SDK1: variants seen among roughly 807,000 people sequenced by gnomAD.
SDK1 encodes the protein protein sidekick-1.
A neutral mutation model predicts 245.5 loss-of-function variants in SDK1; 157 were observed. The observed-to-expected ratio is 0.64, with a 90% confidence interval of 0.56 to 0.73. SDK1 has a LOEUF of 0.73. SDK1 is among the 30% of genes least tolerant of loss of function. SDK1 has a pLI of 0.00. For missense variants in SDK1, 3,583 were observed against 3,002.3 expected (o/e 1.19, Z -4.52); for synonymous variants, 1,647 against 1,278.5 (o/e 1.29, Z -6.15).
intron 1 of SDK1, among the ~76,000 whole-genome samples, chr7:3,381,041 G>A (rs1781474949): frequency 6.6e-6 from 1 of 152,188 alleles, no homozygotes. Context: ...TAGGCAACTT[G>A]CTGTGTCAGC....
chr7:3,714,442 A>G (rs935650255), intron 4 of SDK1, among the ~76,000 whole-genome samples: 2 of 152,206 alleles, frequency 1.3e-5, no homozygotes, highest in African/African-American at 4.8e-5. Context: ...TGAACTAGTT[A>G]TTCGCCCTTC....
intron 4 of SDK1, among the ~76,000 whole-genome samples, chr7:3,653,182 C>T (rs777797051): frequency 1.1e-4 from 17 of 152,160 alleles, no homozygotes; most frequent in Admixed American, 5.2e-4. Context: ...AGATTACTGA[C>T]GCCACCCCAG....
At chr7:3,607,070 G>T (rs1162560768) in intron 1 of SDK1, among the ~76,000 whole-genome samples, 1 of 152,038 alleles carries the variant, frequency 6.6e-6, no homozygotes, top group Non-Finnish European at 1.5e-5. Flanking sequence ...TCTCAATAGT[G>T]TAATGTCATA....
At chr7:4,263,355 G>T (rs4720208) in intron 44 of SDK1, among the ~76,000 whole-genome samples, 2 of 151,244 alleles carry the variant, frequency 1.3e-5, no homozygotes, top group African/African-American at 4.9e-5. Context: ...GGGCCTGTGT[G>T]GGGAGGCTGC....
chr7:3,622,525 A>T (rs1781973783), intron 2 of SDK1, among the ~76,000 whole-genome samples: 1 of 152,212 alleles, frequency 6.6e-6, no homozygotes, highest in African/African-American at 2.4e-5. Flanking sequence ...TTTATTTTAA[A>T]TGCCAAAGTG....
intron 1 of SDK1, among the ~76,000 whole-genome samples, chr7:3,537,011 A>G (rs1222760065): frequency 1.3e-5 from 2 of 152,228 alleles, no homozygotes; most frequent in Non-Finnish European, 2.9e-5. Flanking sequence ...TAATTTACAC[A>G]TATTAAAATG....
intron 4 of SDK1, among the ~76,000 whole-genome samples, chr7:3,740,958 G>A (rs893358193): frequency 1.3e-5 from 2 of 152,200 alleles, no homozygotes; most frequent in African/African-American, 2.4e-5. Context: ...AGTTCATCAG[G>A]TGTGGACACA....
chr7:4,022,912 C>T (rs1360065660), intron 17 of SDK1, among the ~76,000 whole-genome samples: 1 of 151,694 alleles, frequency 6.6e-6, no homozygotes, highest in African/African-American at 2.4e-5. Flanking sequence ...TAGCTGGGAC[C>T]ACAGGCGCCC....
intron 4 of SDK1, among the ~76,000 whole-genome samples, chr7:3,777,610 C>G (rs1780604379): frequency 6.6e-6 from 1 of 152,184 alleles, no homozygotes; most frequent in South Asian, 2.1e-4. Context: ...CCAACAGTGT[C>G]CCCTCTTAGC....
intron 1 of SDK1, among the ~76,000 whole-genome samples, chr7:3,415,722 TG>T (rs1384982930): frequency 1.3e-5 from 2 of 149,570 alleles, no homozygotes; most frequent in Non-Finnish European, 3.0e-5. Flanking sequence ...TATATATAAA[TG>T]TATATATATA....
chr7:4,056,801 C>T (rs780046627), intron 19 of SDK1, among the ~76,000 whole-genome samples: 15 of 152,136 alleles, frequency 9.9e-5, no homozygotes, highest in African/African-American at 1.7e-4. Context: ...CAGAACATTC[C>T]GCCGTGGGTC....
At chr7:3,491,271 A>G (rs1000945067) in intron 1 of SDK1, among the ~76,000 whole-genome samples, 3 of 152,296 alleles carry the variant, frequency 2.0e-5, no homozygotes, top group Admixed American at 2.0e-4. Context: ...TTGTATTGTA[A>G]TCACCTGAGG....
chr7:4,071,542 AG>A (rs1780257301), intron 20 of SDK1, among the ~76,000 whole-genome samples: 1 of 152,222 alleles, frequency 6.6e-6, no homozygotes, highest in African/African-American at 2.4e-5. Context: ...CTGGAGTCGA[AG>A]GAATTAAGCA....
At chr7:3,303,297 A>T (rs1779330606) in intron 1 of SDK1, among the ~76,000 whole-genome samples, 1 of 152,242 alleles carries the variant, frequency 6.6e-6, no homozygotes, top group Admixed American at 6.5e-5. Flanking sequence ...TAAATCACTT[A>T]GGATGACCTT....
intron 1 of SDK1, among the ~76,000 whole-genome samples, chr7:3,556,802 A>T (rs1562560942): frequency 6.6e-6 from 1 of 152,190 alleles, no homozygotes; most frequent in Non-Finnish European, 1.5e-5. Context: ...TCAAATAAAT[A>T]AATAAAAATA....
chr7:3,856,453 C>G (rs12672093), intron 5 of SDK1, among the ~76,000 whole-genome samples: 2 of 146,200 alleles, frequency 1.4e-5, no homozygotes, highest in South Asian at 4.3e-4. Context: ...CAACCCAACT[C>G]TAAAGGACAG....
At chr7:4,210,814 C>T (rs1042275873) in intron 38 of SDK1, among the ~76,000 whole-genome samples, 7 of 152,206 alleles carry the variant, frequency 4.6e-5, no homozygotes, top group African/African-American at 1.7e-4. Flanking sequence ...AGAGGTAACA[C>T]ACAGGTAATT....
At chr7:4,255,915 T>G (rs1160009470) in intron 44 of SDK1, among the ~76,000 whole-genome samples, 2 of 57,130 alleles carry the variant, frequency 3.5e-5, no homozygotes, top group Non-Finnish European at 5.8e-5. Flanking sequence ...TTCCAAATAC[T>G]TTTTTTTTTT....
chr7:3,530,426 G>T (rs1450902660), intron 1 of SDK1, among the ~76,000 whole-genome samples: 3 of 152,098 alleles, frequency 2.0e-5, no homozygotes, highest in African/African-American at 7.2e-5. Context: ...ATTACTAAAG[G>T]AAAATTTGTC....
Sources: gnomAD v4.1 joint callset for allele counts (sites outside exome capture counted in the v4.1 genomes callset) on GRCh38, gnomAD v4.1.1 for gene constraint, MANE v1.5 for transcripts, NCBI Gene and HGNC (gene_info 2026-07-23, HGNC 2026-07-21) for gene names.